The following RADIL variants were observed in gnomAD, a reference collection of about 807,000 sequenced individuals.
RADIL encodes ras-associating and dilute domain-containing protein.
In RADIL, 99 loss-of-function variants were observed where a neutral mutation model predicts 97.6. The observed-to-expected ratio is 1.01, with a 90% CI of 0.86 to 1.20. The LOEUF (loss-of-function observed/expected upper bound fraction) is 1.20, where lower values mean the gene tolerates loss of function less well. Ranked by LOEUF, RADIL falls within the 50% of genes most tolerant of loss-of-function variation. The pLI is 0.00. For synonymous variants in RADIL, 803 were observed against 691.8 expected, an observed-to-expected ratio of 1.16 and a Z score of -2.52; for missense variants, 1,765 against 1,498.9, an observed-to-expected ratio of 1.18 and a Z score of -2.93.
chr7:4,856,783 G>A (rs540086103), intron 2 of RADIL, among the ~76,000 whole-genome samples: 1 of 152,192 alleles, frequency 6.6e-6, no homozygotes, highest in Admixed American at 6.5e-5. Context: ...TCCAATTGTG[G>A]GGTGGAAGGT....
At chr7:4,807,367 G>A (rs909827596) in intron 9 of RADIL, among the ~76,000 whole-genome samples, 2 of 151,976 alleles carry the variant, frequency 1.3e-5, no homozygotes, top group African/African-American at 4.8e-5. Context: ...GTTTGATTGT[G>A]AGTTCCTAGA....
intron 4 of RADIL, 101 bp from the exon 5 acceptor site, chr7:4,832,279 G>GC: frequency 8.5e-7 from 1 of 1,174,302 alleles, no homozygotes; most frequent in Non-Finnish European, 1.2e-6. Flanking sequence ...AAGCCATGCT[G>GC]CCCCAGGCAT....
chr7:4,861,168 C>G (rs765105667), intron 2 of RADIL: 2 of 1,614,214 alleles, frequency 1.2e-6, no homozygotes, highest in Non-Finnish European at 1.7e-6. Flanking sequence ...ATGTTTGGCA[C>G]TAGATGTAAA....
intron 2 of RADIL, among the ~76,000 whole-genome samples, chr7:4,838,722 C>T (rs1260239625): frequency 6.6e-6 from 1 of 152,226 alleles, no homozygotes; most frequent in Non-Finnish European, 1.5e-5. Context: ...GGAGGTGAGG[C>T]CTCTCCTCTG....
At position 4,818,288 on chromosome 7, in the gene RADIL, C is replaced by A. The variant is rs1447874947; in HGVS notation, c.1616-937G>T. ...AGCGCGGGCCTCCCAGGAGCACAGGCCCCCAGCTGCCCCTCTGCCGGGCAG... is the reference window on the plus strand; with the variant it reads ...AGCGCGGGCCTCCCAGGAGCACAGGACCCCAGCTGCCCCTCTGCCGGGCAG... On this transcript the variant is annotated intron_variant, in intron 6 of 14. Coordinates refer to ENST00000399583, the MANE Select transcript of RADIL (RefSeq NM_018059.5). This position sits in a 1 kb window ranked among gnomAD's most constrained non-coding sequence, Gnocchi z 7.1. 2.0e-5 allele frequency among the ~76,000 whole-genome samples: 3 copies of A among 152,216 alleles called. No homozygotes were observed. Among genetic ancestry groups the A allele is most frequent in the Non-Finnish European group, 4.4e-5 (3 of 68,032 alleles).
Position 4,815,549 on chromosome 7 carries a change from A to G in RADIL, c.1967-99T>C. ...AGCCTGCCCTTCCCGGCTCTGGGCC[A>G]CTGAGGACATCACAGCTCGATGACA... On this transcript the variant is annotated intron_variant, in intron 8 of 14. Transcript: ENST00000399583. This position sits in a 1 kb window ranked among gnomAD's most constrained non-coding sequence, Gnocchi z 8.0. 7.8e-7 allele frequency: 1 copy of G among 1,275,510 alleles called. No homozygotes were observed. 79.0% of individuals were successfully genotyped at this position (1,275,510 alleles called of 1,614,324 possible). A position where few individuals can be genotyped will look rare whatever the true frequency, so the allele number is the denominator to read the frequency against.
chr7:4,802,315 C>T (rs555927100), intron 11 of RADIL, among the ~76,000 whole-genome samples: 10 of 148,958 alleles, frequency 6.7e-5, no homozygotes, highest in East Asian at 2.0e-4. Context: ...CCAGGTACCT[C>T]GGGGCATGCT....
At chr7:4,859,844 G>A (rs1359207052) in intron 2 of RADIL, 8 of 1,148,560 alleles carry the variant, frequency 7.0e-6, no homozygotes, top group Non-Finnish European at 1.0e-5. Flanking sequence ...CTTCCGTTTT[G>A]GTTTTCTTGG....
intron 2 of RADIL, chr7:4,861,923 C>T: frequency 1.6e-6 from 1 of 619,264 alleles, no homozygotes; most frequent in Non-Finnish European, 2.5e-6. Context: ...TGCCCTGGTC[C>T]GACCCCACTC....
intron 2 of RADIL, chr7:4,838,042 G>GGCAGCCTGTGCATCTGCAGCCC: frequency 2.0e-5 from 20 of 985,446 alleles, no homozygotes; most frequent in Non-Finnish European, 2.2e-5. Context: ...CAAGGCAGCC[G>GGCAGCCTGTGCATCTGCAGCCC]GCAGCCTGTG....
rs1200542499 is a variant in RADIL at position 4,822,907 on chromosome 7, G to A, written c.1455-353C>T. 2.6e-5 allele frequency among the ~76,000 whole-genome samples: 4 copies of A among 152,178 alleles called. No homozygotes were observed. The highest frequency in any genetic ancestry group is 5.9e-5 in the Non-Finnish European group (4 of 68,024). On this transcript the variant is annotated intron_variant, in intron 5 of 14. Coordinates refer to ENST00000399583, the MANE Select transcript of RADIL (RefSeq NM_018059.5). The surrounding 1 kb of genome is among the most constrained non-coding windows in gnomAD (Gnocchi z 5.3). ...TGTGTGCCAATATGTGTGTGTGTGC[G>A]TGTATGCGTGCATGGGGGTGGGGGC...
In RADIL at chr7:4,819,571, T is replaced by A. The variant is rs73671958; in HGVS notation, c.1616-2220A>T. ...CTGAGCTCCAGCCACGAGGAGAATC[T>A]GAGGCGCACACGATGGTGTGAGGCG... is the stretch of plus-strand genomic sequence containing the variant. On this transcript the variant is annotated intron_variant, in intron 6 of 14. Transcript: ENST00000399583. This position sits in a 1 kb window ranked among gnomAD's most constrained non-coding sequence, Gnocchi z 5.8. 0.031 allele frequency among the ~76,000 whole-genome samples: 4,735 copies of A among 152,220 alleles called. 223 individuals are homozygous for A. Among genetic ancestry groups the A allele is most frequent in the African/African-American group, 0.11 (4,465 of 41,516 alleles).
In RADIL at chr7:4,799,343, G is replaced by C. The variant is rs1025183178; in HGVS notation, c.*35C>G. 1.2e-6 allele frequency: 2 copies of C among 1,602,298 alleles called. No individual in the cohort carries two copies. The highest frequency in any genetic ancestry group is 1.7e-5 in the Admixed American group (1 of 59,950). On this transcript the variant is annotated 3_prime_UTR_variant, in exon 15 of 15. Coordinates refer to ENST00000399583, the MANE Select transcript of RADIL (RefSeq NM_018059.5). ...AGCCCAGTGTCACCAGGTGGGACCG[G>C]GTGCCGGGCCTGTGGGGGTGTCCTC...
chr7:4,803,710 G>C lies in RADIL; in HGVS notation c.2335C>G (p.Pro779Ala), dbSNP rs1193901341. The change falls in exon 11 of 15, where the codon CCC becomes GCC. Residue 779 changes from proline (P) to alanine (A), a missense_variant. Coordinates refer to ENST00000399583, the MANE Select transcript of RADIL (RefSeq NM_018059.5). ...SYENPPPIVLPSDGFQVDLEA... is the reference protein window; with the variant it reads ...SYENPPPIVLASDGFQVDLEA... Reference sequence around the variant, plus strand: ...AAGTCCACCTGGAAGCCGTCGCTGGGCAGGACGATGGGTGGGGGGTTTTCG... The same window carrying C: ...AAGTCCACCTGGAAGCCGTCGCTGGCCAGGACGATGGGTGGGGGGTTTTCG... 1 of 1,567,782 alleles carries C rather than the reference G, an allele frequency of 6.4e-7. No homozygotes were observed. Among genetic ancestry groups the C allele is most frequent in the Non-Finnish European group, 8.6e-7 (1 of 1,157,100 alleles).
At position 4,799,311 on chromosome 7, in the gene RADIL, G is replaced by A. The variant is rs1781995927; in HGVS notation, c.*67C>T. ...TCAGTTACAAAACAGGGACGAAGGC[G>A]GGAGGAAGCCCAGTGTCACCAGGTG... On this transcript the variant is annotated 3_prime_UTR_variant, in exon 15 of 15. Transcript: ENST00000399583. The A allele has an allele frequency of 1.4e-5, 21 of 1,509,042 alleles. No individual in the cohort carries two copies. The highest frequency in any genetic ancestry group is 8.5e-5 in the Admixed American group (5 of 58,550). The allele number at this position is 1,509,042 out of a possible 1,614,324, so 93.5% of individuals were successfully genotyped here.
Position 4,832,132 on chromosome 7 carries a change from C to A in RADIL, c.1454+9G>T. 2 of 1,607,338 alleles carry A rather than the reference C, an allele frequency of 1.2e-6. No individual in the cohort carries two copies. The highest frequency in any genetic ancestry group is 2.2e-5 in the South Asian group (2 of 90,386). Reference sequence around the variant, plus strand: ...CCAGAGGCGGGCACAATAACCGGGTCATACTCACAGTTGCGCCTGCTTCTC... The same window carrying A: ...CCAGAGGCGGGCACAATAACCGGGTAATACTCACAGTTGCGCCTGCTTCTC... On this transcript the variant is annotated intron_variant, in intron 5 of 14. Transcript: ENST00000399583.
At position 4,878,420 on chromosome 7, in the gene RADIL, G is replaced by A. The variant is rs1784418321; in HGVS notation, c.-64-217C>T. On this transcript the variant is annotated intron_variant, in intron 1 of 14. Transcript: ENST00000399583. The surrounding 1 kb of genome is among the most constrained non-coding windows in gnomAD (Gnocchi z 4.1). Reference sequence around the variant, plus strand: ...TTAGCCAGGCATGGTGGTGTGCACTGTACCCACTGCTCTGAAGGCTGAGGC... The same window carrying A: ...TTAGCCAGGCATGGTGGTGTGCACTATACCCACTGCTCTGAAGGCTGAGGC... Among the ~76,000 whole-genome samples, 1 of 152,172 alleles carries A rather than the reference G, an allele frequency of 6.6e-6. No homozygotes were observed.
rs1782930155 is a variant in RADIL, at chr7:4,824,841, A to G, written c.1455-2287T>C. On this transcript the variant is annotated intron_variant, in intron 5 of 14. Transcript: ENST00000399583. The surrounding 1 kb of genome is among the most constrained non-coding windows in gnomAD (Gnocchi z 6.7). ...GCTGGGCTCTTCGGAGACTAATTCC[A>G]TCTTGTTTTCAAAATTTGCTGCCCT... 6.6e-6 allele frequency among the ~76,000 whole-genome samples: 1 copy of G among 152,188 alleles called. No homozygotes were observed. The highest frequency in any genetic ancestry group is 1.5e-5 in the Non-Finnish European group (1 of 68,038).
At chr7:4,800,500 G>A (rs555493264) in intron 12 of RADIL, among the ~76,000 whole-genome samples, 190 bp from the exon 13 acceptor site, 14 of 152,224 alleles carry the variant, frequency 9.2e-5, no homozygotes, top group South Asian at 6.2e-4. Context: ...GCCCATGGGC[G>A]ACACCCCCAT....
Sources: gnomAD v4.1 joint callset for allele counts (sites outside exome capture counted in the v4.1 genomes callset) on GRCh38, gnomAD v4.1.1 for gene constraint, Gnocchi (gnomAD v3.1) non-coding constraint, MANE v1.5 for transcripts, NCBI Gene and HGNC (gene_info 2026-07-23, HGNC 2026-07-21) for gene names.